The following EPHA6 variants were observed in gnomAD, a reference collection of about 807,000 sequenced individuals.
EPHA6 encodes EPH receptor A6.
A neutral mutation model predicts 112.0 loss-of-function variants in EPHA6; 50 were observed. That is an observed-to-expected ratio of 0.45 (90% CI 0.36 to 0.56). The LOEUF is 0.56. Among genes scored for constraint, EPHA6 ranks in the 20% least tolerant of loss-of-function variants. EPHA6 has a pLI of 0.00. For synonymous variants in EPHA6, 529 were observed against 490.7 expected, an observed-to-expected ratio of 1.08 and a Z score of -1.03; for missense variants, 1,280 against 1,417.4, an observed-to-expected ratio of 0.90 and a Z score of 1.56.
At chr3:97,364,004 G>A (rs1435358297) in intron 5 of EPHA6, among the ~76,000 whole-genome samples, 7 of 151,984 alleles carry the variant, frequency 4.6e-5, no homozygotes, top group Admixed American at 4.6e-4. Flanking sequence ...GGCTGGGAGA[G>A]GACAAAATGG....
At chr3:97,656,537 T>C (rs2094138774) in intron 14 of EPHA6, among the ~76,000 whole-genome samples, 1 of 151,926 alleles carries the variant, frequency 6.6e-6, no homozygotes, top group South Asian at 2.1e-4. Context: ...AAATTTTAAA[T>C]ATTATAAAAA....
At chr3:97,324,795 C>T (rs1166234425) in intron 5 of EPHA6, among the ~76,000 whole-genome samples, 2 of 152,040 alleles carry the variant, frequency 1.3e-5, no homozygotes, top group Non-Finnish European at 2.9e-5. Context: ...CTGCCTCGGC[C>T]TCCCAAAGTG....
intron 5 of EPHA6, among the ~76,000 whole-genome samples, chr3:97,278,232 T>C (rs1307153908): frequency 6.6e-6 from 1 of 152,226 alleles, no homozygotes; most frequent in East Asian, 1.9e-4. Context: ...ACCCAATGAC[T>C]GCTAGTTTCC....
chr3:97,006,495 GTCT>G (rs1196241823), intron 3 of EPHA6, among the ~76,000 whole-genome samples: 4 of 151,314 alleles, frequency 2.6e-5, no homozygotes, highest in African/African-American at 9.7e-5. Context: ...ATTCTTCTCT[GTCT>G]TCTTCTTTGC....
At chr3:97,506,619 G>A (rs1441248948) in intron 10 of EPHA6, among the ~76,000 whole-genome samples, 1 of 152,128 alleles carries the variant, frequency 6.6e-6, no homozygotes, top group Non-Finnish European at 1.5e-5. Flanking sequence ...GTAGCATGAT[G>A]CCTCCAGCTT....
At chr3:97,543,492 C>T (rs1305376942) in intron 11 of EPHA6, among the ~76,000 whole-genome samples, 1 of 152,176 alleles carries the variant, frequency 6.6e-6, no homozygotes, top group Non-Finnish European at 1.5e-5. Flanking sequence ...GTTTTGGTTA[C>T]TGTAGCCTTG....
intron 2 of EPHA6, among the ~76,000 whole-genome samples, chr3:96,957,214 C>A (rs1288996649): frequency 6.6e-6 from 1 of 152,004 alleles, no homozygotes; most frequent in Non-Finnish European, 1.5e-5. Context: ...AGAGTAATGG[C>A]ATTAGTGAAT....
At chr3:97,564,548 C>T (rs578218196) in intron 11 of EPHA6, among the ~76,000 whole-genome samples, 1 of 151,996 alleles carries the variant, frequency 6.6e-6, no homozygotes, top group African/African-American at 2.4e-5. Flanking sequence ...TATTAAGGGT[C>T]GACTTTTAAA....
intron 2 of EPHA6, among the ~76,000 whole-genome samples, chr3:96,901,298 A>G (rs544550745): frequency 6.6e-6 from 1 of 152,226 alleles, no homozygotes; most frequent in Non-Finnish European, 1.5e-5. Context: ...GTATAAAATA[A>G]CCTGATTTTT....
At chr3:97,733,945 T>A (rs2035146822) in intron 15 of EPHA6, among the ~76,000 whole-genome samples, 2 of 151,790 alleles carry the variant, frequency 1.3e-5, no homozygotes, top group African/African-American at 2.4e-5. Context: ...TTCTGGGGAG[T>A]GGTCAGAGGA....
At chr3:97,347,544 A>T (rs184280752) in intron 5 of EPHA6, among the ~76,000 whole-genome samples, 62 of 152,262 alleles carry the variant, frequency 4.1e-4, no homozygotes, top group Non-Finnish European at 7.8e-4. Flanking sequence ...ATTCTGGGAA[A>T]GATAATATAG....
intron 5 of EPHA6, among the ~76,000 whole-genome samples, chr3:97,343,591 T>C (rs2108867820): frequency 1.3e-5 from 2 of 152,170 alleles, no homozygotes; most frequent in Non-Finnish European, 2.9e-5. Context: ...GTGTGACCCA[T>C]AGACTTAATT....
At position 96,962,162 on chromosome 3, in the gene EPHA6, A is replaced by G. The variant is rs575824112; in HGVS notation, c.451-25168A>G. Among the ~76,000 whole-genome samples, 374 of 152,206 alleles carry G rather than the reference A, an allele frequency of 2.5e-3. 1 individual carries two copies. The highest frequency in any genetic ancestry group is 3.9e-3 in the Non-Finnish European group (263 of 68,026). ...TGCAGTTTTGTTGGAGACAAAACCCAGCCTTCACACACAGAGCTGATGTTA... is the reference window on the plus strand; with the variant it reads ...TGCAGTTTTGTTGGAGACAAAACCCGGCCTTCACACACAGAGCTGATGTTA... On this transcript the variant is annotated intron_variant, in intron 2 of 17. Transcript: ENST00000389672.
intron 3 of EPHA6, among the ~76,000 whole-genome samples, chr3:97,016,762 C>T (rs993315517): frequency 1.3e-5 from 2 of 152,148 alleles, no homozygotes; most frequent in Non-Finnish European, 2.9e-5. Context: ...ATACACTTGT[C>T]TCTTTATGTT....
At chr3:97,609,053 A>T (rs1276611634) in intron 12 of EPHA6, among the ~76,000 whole-genome samples, 1 of 151,356 alleles carries the variant, frequency 6.6e-6, no homozygotes, top group Non-Finnish European at 1.5e-5. Context: ...TTCTAGTAAG[A>T]CTGGTATTCT....
intron 3 of EPHA6, among the ~76,000 whole-genome samples, chr3:97,024,538 C>T (rs1285287880): frequency 6.6e-6 from 1 of 152,130 alleles, no homozygotes; most frequent in Non-Finnish European, 1.5e-5. Flanking sequence ...ATGAAAGGAA[C>T]AGAGAGCTAT....
intron 2 of EPHA6, among the ~76,000 whole-genome samples, chr3:96,925,078 A>C (rs562906545): frequency 2.6e-5 from 4 of 152,156 alleles, no homozygotes; most frequent in Non-Finnish European, 5.9e-5. Context: ...ATGTTCATCA[A>C]GGATATTGGC....
At chr3:97,325,798 G>C (rs1337619790) in intron 5 of EPHA6, among the ~76,000 whole-genome samples, 1 of 152,010 alleles carries the variant, frequency 6.6e-6, no homozygotes, top group Non-Finnish European at 1.5e-5. Context: ...CCTATGCCTA[G>C]TTACGTTAAA....
intron 1 of EPHA6, among the ~76,000 whole-genome samples, chr3:96,864,203 A>G (rs1203688328): frequency 6.6e-6 from 1 of 152,034 alleles, no homozygotes; most frequent in Admixed American, 6.6e-5. Flanking sequence ...TGTATAACCC[A>G]CTAATCTTAC....
Sources: allele counts gnomAD v4.1 joint callset (sites outside exome capture counted in the v4.1 genomes callset), GRCh38; gene constraint gnomAD v4.1.1; transcripts MANE v1.5; gene names NCBI Gene and HGNC (gene_info 2026-07-23, HGNC 2026-07-21).